The following SLC25A26 variants were observed in gnomAD, a reference collection of about 807,000 sequenced individuals.
SLC25A26 encodes the protein mitochondrial S-adenosylmethionine carrier protein.
Under a neutral mutation model 37.8 loss-of-function variants are expected in SLC25A26, and 36 were observed. That is an observed-to-expected ratio of 0.95 (90% confidence interval 0.73 to 1.26). The LOEUF (loss-of-function observed/expected upper bound fraction) is 1.26, where lower values mean the gene tolerates loss of function less well. Ranked by LOEUF, SLC25A26 falls within the 50% of genes most tolerant of loss-of-function variation. SLC25A26 has a pLI of 0.00. For missense variants in SLC25A26, 390 were observed against 331.1 expected (o/e 1.18, Z -1.38); for synonymous variants, 129 against 122.5 (o/e 1.05, Z -0.35).
chr3:66,275,695 T>C (rs976762408), intron 5 of SLC25A26, among the ~76,000 whole-genome samples: 1 of 152,144 alleles, frequency 6.6e-6, no homozygotes, highest in Admixed American at 6.6e-5. Context: ...ATAAACTGTC[T>C]GTACTTCCAT....
intron 5 of SLC25A26, among the ~76,000 whole-genome samples, chr3:66,325,428 G>A (rs1464906364): frequency 6.6e-6 from 1 of 152,166 alleles, no homozygotes; most frequent in African/African-American, 2.4e-5. Context: ...ATCAGTGTGG[G>A]CCTTGCTTTT....
intron 9 of SLC25A26, chr3:66,371,391 A>T: frequency 6.6e-7 from 1 of 1,519,792 alleles, no homozygotes; most frequent in Non-Finnish European, 8.9e-7. Flanking sequence ...CAGCTATTTG[A>T]TGATCTGGAG....
At chr3:66,139,126 C>T (rs1033490632) in intron 1 of SLC25A26, among the ~76,000 whole-genome samples, 1 of 151,870 alleles carries the variant, frequency 6.6e-6, no homozygotes, top group Non-Finnish European at 1.5e-5. Flanking sequence ...TATGATTCTC[C>T]TGATGATCTC....
intron 3 of SLC25A26, among the ~76,000 whole-genome samples, chr3:66,256,116 A>G (rs908747061): frequency 1.3e-5 from 2 of 152,170 alleles, no homozygotes; most frequent in African/African-American, 4.8e-5. Context: ...TGACCTCTTG[A>G]ATTGAAAAAT....
chr3:66,256,327 C>T lies in SLC25A26; in HGVS notation c.301-5724C>T, dbSNP rs544399100. On this transcript the variant is annotated intron_variant, in intron 3 of 9. Transcript: ENST00000354883. The stretch of plus-strand genomic sequence containing the variant: ...ATTGCTACTAAATTTATAATATGTC[C>T]TTTTTATCAAGGCTGATAGGTTGCC... 4.2e-3 allele frequency among the ~76,000 whole-genome samples: 633 copies of T among 152,118 alleles called. 11 individuals are homozygous for T. The highest frequency in any genetic ancestry group is 0.011 in the African/African-American group (438 of 41,508).
intron 9 of SLC25A26, among the ~76,000 whole-genome samples, chr3:66,373,035 C>T (rs2107857032): frequency 6.6e-6 from 1 of 152,332 alleles, no homozygotes; most frequent in African/African-American, 2.4e-5. Context: ...TGGGAGTACA[C>T]ATATAAACAG....
At position 66,363,083 on chromosome 3, in the gene SLC25A26, A is replaced by G. The variant is rs777983277; in HGVS notation, c.568+154A>G. 6.6e-3 allele frequency: 833 copies of G among 126,694 alleles called. 5 individuals carry two copies. Among genetic ancestry groups the G allele is most frequent in the Admixed American group, 7.6e-3 (95 of 12,564 alleles). 7.8% of individuals were successfully genotyped at this position (126,694 alleles called of 1,614,324 possible). ...GAGAAAAGAACGTGTCTTAGAGGGG[A>G]AAAAAAAAAAAAAACTGCTAAAAAG... On this transcript the variant is annotated intron_variant, in intron 7 of 9. Transcript: ENST00000354883.
chr3:66,175,136 TATATACACACAC>T (rs1268494199), intron 1 of SLC25A26, among the ~76,000 whole-genome samples: 36 of 64,962 alleles, frequency 5.5e-4, no homozygotes, highest in African/African-American at 1.6e-3. Flanking sequence ...TATATATATA[TATATACACACAC>T]ACACACACAC....
At chr3:66,314,691 G>C (rs2107616453) in intron 5 of SLC25A26, among the ~76,000 whole-genome samples, 1 of 152,138 alleles carries the variant, frequency 6.6e-6, no homozygotes, top group African/African-American at 2.4e-5. Flanking sequence ...TTAGAAGAAA[G>C]AGTATCAGCT....
intron 5 of SLC25A26, among the ~76,000 whole-genome samples, chr3:66,272,176 C>T (rs530514660): frequency 6.6e-6 from 1 of 152,120 alleles, no homozygotes; most frequent in Non-Finnish European, 1.5e-5. Context: ...ATAATCCTCA[C>T]AGCAGCCCAA....
At chr3:66,192,754 T>C (rs1383269612) in intron 1 of SLC25A26, among the ~76,000 whole-genome samples, 7 of 152,242 alleles carry the variant, frequency 4.6e-5, no homozygotes, top group Non-Finnish European at 1.0e-4. Context: ...ATACACTGTT[T>C]ATTAAACCTC....
intron 5 of SLC25A26, among the ~76,000 whole-genome samples, chr3:66,267,137 C>A (rs867734404): frequency 6.6e-6 from 1 of 152,108 alleles, no homozygotes; most frequent in South Asian, 2.1e-4. Flanking sequence ...GTGTCATAAG[C>A]ACTGTAATGA....
chr3:66,156,436 A>G (rs887515633), intron 1 of SLC25A26, among the ~76,000 whole-genome samples: 11 of 146,868 alleles, frequency 7.5e-5, no homozygotes, highest in African/African-American at 2.8e-4. Context: ...AATTAGCAAC[A>G]TGATATAGGG....
At chr3:66,209,574 T>TA (rs1211912715) in intron 1 of SLC25A26, among the ~76,000 whole-genome samples, 9 of 141,778 alleles carry the variant, frequency 6.3e-5, no homozygotes. Context: ...TATATACGTA[T>TA]AAAAGTATAG....
At chr3:66,373,038 A>G (rs1700437371) in intron 9 of SLC25A26, among the ~76,000 whole-genome samples, 1 of 152,204 alleles carries the variant, frequency 6.6e-6, no homozygotes, top group Non-Finnish European at 1.5e-5. Context: ...GAGTACACAT[A>G]TAAACAGAAA....
rs554578705 is a variant in SLC25A26, at chr3:66,233,962, T to G, written c.34-2582T>G. On this transcript the variant is annotated intron_variant, in intron 1 of 9. Coordinates refer to ENST00000354883, the MANE Select transcript of SLC25A26 (RefSeq NM_001379210.1). ...ACTTCTCTGAATTCTCTCCTAAGATTAAAGAGAAAATTAGAGTGAAGTGCA... is the reference window on the plus strand; with the variant it reads ...ACTTCTCTGAATTCTCTCCTAAGATGAAAGAGAAAATTAGAGTGAAGTGCA... Among the ~76,000 whole-genome samples, 28 of 152,310 alleles carry G rather than the reference T, an allele frequency of 1.8e-4. No individual in the cohort carries two copies. In the East Asian group the frequency reaches 4.4e-3, roughly 24 times the overall value.
rs146630268 is a variant in SLC25A26 at position 66,355,604 on chromosome 3, G to A, written c.499-7256G>A. On this transcript the variant is annotated intron_variant, in intron 6 of 9. Transcript: ENST00000354883. Reference sequence around the variant, plus strand: ...CCAGTTATGTTTGATACTGTTTTCAGTTTCAGAACTTGCTATCAGAAATCT... The same window carrying A: ...CCAGTTATGTTTGATACTGTTTTCAATTTCAGAACTTGCTATCAGAAATCT... 4.2e-3 allele frequency among the ~76,000 whole-genome samples: 635 copies of A among 152,310 alleles called. 4 individuals are homozygous for A. Among genetic ancestry groups the A allele is most frequent in the Non-Finnish European group, 6.4e-3 (436 of 68,030 alleles).
chr3:66,317,306 A>G (rs2107626795), intron 5 of SLC25A26, among the ~76,000 whole-genome samples: 1 of 151,804 alleles, frequency 6.6e-6, no homozygotes. Context: ...TTTTTTGTTG[A>G]TGATGTTGTT....
At chr3:66,286,002 C>G (rs1018597587) in intron 5 of SLC25A26, among the ~76,000 whole-genome samples, 4 of 152,142 alleles carry the variant, frequency 2.6e-5, no homozygotes, top group African/African-American at 9.7e-5. Context: ...ATTTGGCATC[C>G]TTGCATCTTT....
Sources: gnomAD v4.1 joint callset for allele counts (sites outside exome capture counted in the v4.1 genomes callset) on GRCh38, gnomAD v4.1.1 for gene constraint, MANE v1.5 for transcripts, NCBI Gene and HGNC (gene_info 2026-07-23, HGNC 2026-07-21) for gene names.